Variants in ADGRL3 observed in about 807,000 individuals in gnomAD.
ADGRL3 encodes calcium-independent alpha-latrotoxin receptor 3.
ADGRL3 carries 62 observed loss-of-function variants against 153.5 expected under a neutral mutation model. That is an observed-to-expected ratio of 0.40 (90% CI 0.33 to 0.50). ADGRL3 has a LOEUF of 0.50. Ranked by LOEUF, ADGRL3 falls within the 20% of genes least tolerant of loss-of-function variation. The pLI, the probability that ADGRL3 is intolerant of heterozygous loss-of-function variation, is 0.47. For missense variants in ADGRL3, 1,641 were observed against 1,859.4 expected (o/e 0.88, Z 2.16); for synonymous variants, 710 against 672.5 (o/e 1.06, Z -0.86).
intron 2 of ADGRL3, among the ~76,000 whole-genome samples, chr4:61,387,148 C>CTA (rs1205303433): frequency 6.6e-6 from 1 of 152,008 alleles, no homozygotes; most frequent in Admixed American, 6.6e-5. Context: ...CCGTGATACC[C>CTA]TACAAGCCAC....
intron 9 of ADGRL3, among the ~76,000 whole-genome samples, chr4:61,825,564 G>A (rs1399406057): frequency 1.3e-5 from 2 of 151,762 alleles, no homozygotes; most frequent in African/African-American, 4.8e-5. Flanking sequence ...AGTTGTGAAT[G>A]GCTATATACT....
At chr4:61,843,712 A>G (rs2098069259) in intron 9 of ADGRL3, among the ~76,000 whole-genome samples, 1 of 152,176 alleles carries the variant, frequency 6.6e-6, no homozygotes, top group Admixed American at 6.5e-5. Flanking sequence ...CTAAGATCCA[A>G]TAAAGATTTC....
At chr4:61,749,750 C>G (rs1283234493) in intron 8 of ADGRL3, among the ~76,000 whole-genome samples, 1 of 151,918 alleles carries the variant, frequency 6.6e-6, no homozygotes, top group South Asian at 2.1e-4. Flanking sequence ...AGGAGATATA[C>G]CTAATGCTAA....
chr4:61,676,199 G>T (rs1293277175), intron 5 of ADGRL3, among the ~76,000 whole-genome samples: 1 of 151,820 alleles, frequency 6.6e-6, no homozygotes, highest in Admixed American at 6.6e-5. Context: ...AATCCACGAG[G>T]ATTGTATCAT....
chr4:61,456,830 T>A (rs1328089591), intron 2 of ADGRL3, among the ~76,000 whole-genome samples: 1 of 151,930 alleles, frequency 6.6e-6, no homozygotes, highest in Non-Finnish European at 1.5e-5. Context: ...ATGGTGAAAA[T>A]TAGAGAATTG....
At chr4:61,298,315 A>G (rs1399195820) in intron 1 of ADGRL3, among the ~76,000 whole-genome samples, 1 of 152,170 alleles carries the variant, frequency 6.6e-6, no homozygotes, top group East Asian at 1.9e-4. Context: ...GATTAATTTC[A>G]TTTATACCAT....
At chr4:61,945,959 C>T (rs2098921225) in intron 15 of ADGRL3, among the ~76,000 whole-genome samples, 1 of 152,256 alleles carries the variant, frequency 6.6e-6, no homozygotes, top group East Asian at 1.9e-4. Context: ...TTGGCTCCTC[C>T]TCCTAGTATA....
intron 8 of ADGRL3, among the ~76,000 whole-genome samples, chr4:61,780,995 T>C (rs1413728888): frequency 2.6e-5 from 4 of 152,178 alleles, no homozygotes; most frequent in Non-Finnish European, 4.4e-5. Flanking sequence ...AAAGGGACTC[T>C]AAAAACATAT....
At chr4:61,915,578 T>C (rs1230484374) in intron 13 of ADGRL3, among the ~76,000 whole-genome samples, 1 of 152,106 alleles carries the variant, frequency 6.6e-6, no homozygotes, top group East Asian at 1.9e-4. Flanking sequence ...GTTGATTTCC[T>C]GGGTTATAAT....
intron 5 of ADGRL3, among the ~76,000 whole-genome samples, chr4:61,656,808 G>A (rs1437559237): frequency 6.6e-6 from 1 of 152,270 alleles, no homozygotes; most frequent in East Asian, 1.9e-4. Context: ...ATGCTTGCTA[G>A]TTGACTAATT....
At chr4:61,477,167 C>G (rs1370420678) in intron 2 of ADGRL3, among the ~76,000 whole-genome samples, 2 of 152,050 alleles carry the variant, frequency 1.3e-5, no homozygotes, top group African/African-American at 4.8e-5. Flanking sequence ...AGCCTCTATT[C>G]AAATTACGTA....
At chr4:61,431,596 A>T (rs1386262523) in intron 2 of ADGRL3, among the ~76,000 whole-genome samples, 1 of 152,220 alleles carries the variant, frequency 6.6e-6, no homozygotes, top group Non-Finnish European at 1.5e-5. Context: ...CAAACTAAGT[A>T]TCAACAAAAT....
At chr4:62,021,750 T>C (rs1399997065) in intron 21 of ADGRL3, among the ~76,000 whole-genome samples, 1 of 152,160 alleles carries the variant, frequency 6.6e-6, no homozygotes, top group Non-Finnish European at 1.5e-5. Flanking sequence ...TGATCTTTGA[T>C]GTTACTGTTG....
Position 61,834,472 on chromosome 4 carries a change from C to T in ADGRL3, c.1480+20583C>T, listed in dbSNP as rs150533886. Among the ~76,000 whole-genome samples the T allele has an allele frequency of 7.2e-4, 110 of 152,292 alleles. 1 individual carries two copies. Among genetic ancestry groups the T allele is most frequent in the African/African-American group, 2.4e-3 (100 of 41,556 alleles). On this transcript the variant is annotated intron_variant, in intron 9 of 26. Transcript: ENST00000683033. ...TGCTTTGTAATCCTTTGGGTATACA[C>T]CCAGTAACAGGATGGCTGGGTCAAA...
At chr4:61,736,178 C>T (rs1356531818) in intron 8 of ADGRL3, among the ~76,000 whole-genome samples, 1 of 151,648 alleles carries the variant, frequency 6.6e-6, no homozygotes, top group Non-Finnish European at 1.5e-5. Flanking sequence ...TGTACATATC[C>T]CCCTCCATAT....
intron 24 of ADGRL3, among the ~76,000 whole-genome samples, chr4:62,041,361 G>T (rs1728180106): frequency 6.6e-6 from 1 of 151,616 alleles, no homozygotes; most frequent in African/African-American, 2.4e-5. Flanking sequence ...AATATCTTTT[G>T]ACTTTCTCGT....
intron 21 of ADGRL3, among the ~76,000 whole-genome samples, chr4:62,013,777 A>T (rs940278917): frequency 1.3e-5 from 2 of 151,906 alleles, no homozygotes; most frequent in Non-Finnish European, 2.9e-5. Flanking sequence ...AGTCCCAGCA[A>T]CTCAGGAGGC....
intron 2 of ADGRL3, among the ~76,000 whole-genome samples, chr4:61,395,125 T>C (rs906025136): frequency 3.7e-4 from 57 of 152,162 alleles, no homozygotes; most frequent in African/African-American, 1.3e-3. Context: ...GCTGAATTAA[T>C]AGTATTCTTG....
At chr4:61,590,468 C>T (rs2098964948) in intron 5 of ADGRL3, among the ~76,000 whole-genome samples, 1 of 151,918 alleles carries the variant, frequency 6.6e-6, no homozygotes, top group Non-Finnish European at 1.5e-5. Context: ...TTACATTTGG[C>T]ATTCAGCTTA....
Sources: gnomAD v4.1 joint callset for allele counts (sites outside exome capture counted in the v4.1 genomes callset) on GRCh38, gnomAD v4.1.1 for gene constraint, MANE v1.5 for transcripts, NCBI Gene and HGNC (gene_info 2026-07-23, HGNC 2026-07-21) for gene names.